HERC1: variants seen among roughly 807,000 people sequenced by gnomAD.
HERC1 encodes the protein HECT and RLD domain containing E3 ubiquitin protein ligase family member 1, also known as probable E3 ubiquitin-protein ligase HERC1.
A neutral mutation model predicts 554.3 loss-of-function variants in HERC1; 160 were observed. The observed-to-expected ratio is 0.29, with a 90% CI of 0.25 to 0.33. The LOEUF (loss-of-function observed/expected upper bound fraction) is 0.33. Ranked by LOEUF, HERC1 falls within the 10% of genes least tolerant of loss-of-function variation. The pLI is 1.00. For synonymous variants in HERC1, 2,175 were observed against 2,131.7 expected (o/e 1.02, Z -0.56); for missense variants, 4,919 against 5,918.5 (o/e 0.83, Z 5.54).
At chr15:63,806,633 T>C (rs549273155) in intron 1 of HERC1, among the ~76,000 whole-genome samples, 17 of 152,336 alleles carry the variant, frequency 1.1e-4, no homozygotes, top group African/African-American at 4.1e-4. Flanking sequence ...CAGAACATTG[T>C]AGAAGAGGAA....
At position 63,647,398 on chromosome 15, in the gene HERC1, G is replaced by A. The variant is rs552170624; in HGVS notation, c.10878+671C>T. Among the ~76,000 whole-genome samples, 3 of 152,078 alleles carry A rather than the reference G, an allele frequency of 2.0e-5. No homozygotes were observed. The East Asian group carries it at 5.8e-4, about 29-fold the overall frequency. ...AAAAGGGAACTCTTAAACACTGTTG[G>A]TTTGAATGTAAATTAGTACAAACTC... On this transcript the variant is annotated intron_variant, in intron 55 of 77. Transcript: ENST00000443617.
Position 63,660,087 on chromosome 15 carries a change from G to A in HERC1, c.9224-151C>T, listed in dbSNP as rs572085409. On this transcript the variant is annotated intron_variant, in intron 46 of 77. Transcript: ENST00000443617. ...TAATCCCAACACTCTGGGAGGCCGA[G>A]GCGACTGGATCACATGAGGTCAGGA... 6.6e-5 allele frequency among the ~76,000 whole-genome samples: 10 copies of A among 152,306 alleles called. No individual in the cohort carries two copies. In the South Asian group the frequency reaches 2.1e-3, roughly 32 times the overall value.
At chr15:63,650,916 C>G (rs1431120517) in intron 53 of HERC1, among the ~76,000 whole-genome samples, 1 of 152,050 alleles carries the variant, frequency 6.6e-6, no homozygotes, top group Non-Finnish European at 1.5e-5. Flanking sequence ...GCAAAATAAA[C>G]ATAATAGAAA....
intron 1 of HERC1, among the ~76,000 whole-genome samples, chr15:63,784,448 T>A (rs1324434454): frequency 2.0e-5 from 3 of 151,996 alleles, no homozygotes; most frequent in Admixed American, 2.0e-4. Flanking sequence ...TTAAAAAGGG[T>A]TTAATAATAA....
Position 63,630,364 on chromosome 15 carries a change from T to C in HERC1, c.12966+102A>G, listed in dbSNP as rs139656203. ...ATAGCAAAGTGATGTGCTTGGAGTA[T>C]TGCAGTAGATTATGAATTTCCTAGC... is the stretch of plus-strand genomic sequence containing the variant. On this transcript the variant is annotated intron_variant, in intron 69 of 77. Coordinates refer to ENST00000443617, the MANE Select transcript of HERC1 (RefSeq NM_003922.4). The C allele has an allele frequency of 1.0e-4, 113 of 1,128,980 alleles. No homozygotes were observed. The African/African-American group carries it at 1.4e-3, about 14-fold the overall frequency. The allele number at this position is 1,128,980 out of a possible 1,614,324, so 69.9% of individuals were successfully genotyped here.
intron 2 of HERC1, 68 bp downstream of exon 2, chr15:63,774,626 C>A: frequency 8.9e-7 from 1 of 1,120,856 alleles, no homozygotes; most frequent in South Asian, 1.6e-5. Flanking sequence ...ACCACCAATT[C>A]ATTAAAAACT....
intron 1 of HERC1, among the ~76,000 whole-genome samples, chr15:63,831,475 T>C (rs961253864): frequency 6.6e-6 from 1 of 152,230 alleles, no homozygotes; most frequent in Non-Finnish European, 1.5e-5. Context: ...CTTGCTATTA[T>C]ATAGTTATCC....
At chr15:63,620,540 G>A (rs1337415689) in intron 74 of HERC1, among the ~76,000 whole-genome samples, 3 of 152,044 alleles carry the variant, frequency 2.0e-5, no homozygotes, top group Admixed American at 6.6e-5. Flanking sequence ...TTCAATTCCT[G>A]GATATCCTTG....
At chr15:63,683,328 C>T (rs2071579862) in intron 34 of HERC1, among the ~76,000 whole-genome samples, 1 of 152,064 alleles carries the variant, frequency 6.6e-6, no homozygotes, top group Admixed American at 6.6e-5. Context: ...AAAAACAAAA[C>T]AAGTGTCTAT....
At chr15:63,818,981 G>T (rs2077591532) in intron 1 of HERC1, among the ~76,000 whole-genome samples, 1 of 152,142 alleles carries the variant, frequency 6.6e-6, no homozygotes, top group Non-Finnish European at 1.5e-5. Flanking sequence ...AAACGCCTAG[G>T]CTTTTGGTAT....
chr15:63,611,572 G>A (rs1210470359), intron 77 of HERC1, among the ~76,000 whole-genome samples: 1 of 152,136 alleles, frequency 6.6e-6, no homozygotes, highest in East Asian at 1.9e-4. Flanking sequence ...TTCCTTCTGG[G>A]GCACACCCAC....
chr15:63,628,287 G>A (rs551437753), intron 70 of HERC1, among the ~76,000 whole-genome samples: 192 of 152,260 alleles, frequency 1.3e-3, no homozygotes, highest in African/African-American at 4.5e-3. Flanking sequence ...AGCTACTTGG[G>A]AGGCTGAGGC....
At chr15:63,770,200 T>C (rs912508705) in intron 2 of HERC1, among the ~76,000 whole-genome samples, 5 of 152,088 alleles carry the variant, frequency 3.3e-5, no homozygotes, top group African/African-American at 1.2e-4. Flanking sequence ...TCTGAAAAGT[T>C]CTCCAGCTCC....
At chr15:63,688,104 T>C (rs1256135858) in intron 33 of HERC1, among the ~76,000 whole-genome samples, 3 of 152,142 alleles carry the variant, frequency 2.0e-5, no homozygotes, top group Non-Finnish European at 2.9e-5. Context: ...GGCATAACAA[T>C]GGAAGCAGAT....
intron 3 of HERC1, among the ~76,000 whole-genome samples, chr15:63,761,824 A>T (rs2142291116): frequency 6.6e-6 from 1 of 152,308 alleles, no homozygotes; most frequent in South Asian, 2.1e-4. Flanking sequence ...ATCTTTGGGA[A>T]TTAGCAATCT....
intron 1 of HERC1, among the ~76,000 whole-genome samples, chr15:63,817,665 A>G (rs2077537748): frequency 6.6e-6 from 1 of 152,174 alleles, no homozygotes; most frequent in Non-Finnish European, 1.5e-5. Flanking sequence ...CAGTCAGCCA[A>G]GTTCGCGCCA....
chr15:63,768,639 C>T (rs1447346471), intron 2 of HERC1, among the ~76,000 whole-genome samples: 1 of 152,192 alleles, frequency 6.6e-6, no homozygotes, highest in African/African-American at 2.4e-5. Context: ...ATGTACCTTT[C>T]TAGGAGCTGG....
chr15:63,610,515 T>C (rs565071873), intron 77 of HERC1, among the ~76,000 whole-genome samples: 23 of 152,210 alleles, frequency 1.5e-4, no homozygotes, highest in African/African-American at 3.4e-4. Context: ...CAGAGCTGAG[T>C]AGAAATGAGC....
Position 63,694,502 on chromosome 15 carries a change from G to A in HERC1, c.5290C>T (p.His1764Tyr). 5 of 1,614,020 alleles carry A rather than the reference G, an allele frequency of 3.1e-6. 1 individual carries two copies. Among genetic ancestry groups the A allele is most frequent in the African/African-American group, 2.7e-5 (2 of 75,062 alleles). Reference sequence around the variant, plus strand: ...AAAGAAACATCTACTGGTTGATAATGAACACTTAGGGCAAAAACTGTAACC... The same window carrying A: ...AAAGAAACATCTACTGGTTGATAATAAACACTTAGGGCAAAAACTGTAACC... ...LLVTVFALSVHYQPVDVSLAI... is the reference protein window; with the variant it reads ...LLVTVFALSVYYQPVDVSLAI... The change falls in exon 29 of 78, where the codon CAT becomes TAT. Residue 1764 changes from histidine (H) to tyrosine (Y), a missense_variant. Around this residue, in one of 11 missense-constraint regions of HERC1, gnomAD observed 1,121 missense variants for 1,244.0 expected, o/e 0.90. Coordinates refer to ENST00000443617, the MANE Select transcript of HERC1 (RefSeq NM_003922.4). The surrounding 1 kb of genome is among the most constrained non-coding windows in gnomAD (Gnocchi z 4.3).
Sources: gnomAD v4.1 joint callset for allele counts (sites outside exome capture counted in the v4.1 genomes callset) on GRCh38, gnomAD v4.1.1 for gene constraint, gnomAD v4.1.1 regional missense constraint, Gnocchi (gnomAD v3.1) non-coding constraint, MANE v1.5 for transcripts, NCBI Gene and HGNC (gene_info 2026-07-23, HGNC 2026-07-21) for gene names.